The following PRH1 variants were observed in gnomAD, a reference collection of about 807,000 sequenced individuals.
The protein encoded by PRH1 is proline rich protein HaeIII subfamily 1.
A neutral mutation model predicts 7.9 loss-of-function variants in PRH1; 7 were observed. That is an observed-to-expected ratio of 0.89 (90% CI 0.50 to 1.67). PRH1 has a LOEUF of 1.67. Among genes scored for constraint, PRH1 ranks in the 40% most tolerant of loss-of-function variants. The pLI, the probability that PRH1 is intolerant of heterozygous loss-of-function variation, is 0.00. For synonymous variants in PRH1, 45 were observed against 80.8 expected, an observed-to-expected ratio of 0.56 and a Z score of 2.38; for missense variants, 109 against 223.6, an observed-to-expected ratio of 0.49 and a Z score of 3.27.
In PRH1 at chr12:11,020,364, ATATATATATAT is replaced by A. The variant is rs1565557250; in HGVS notation, c.-126+26645_-126+26655del. Among the ~76,000 whole-genome samples, 261 of 132,998 alleles carry A rather than the reference ATATATATATAT, an allele frequency of 2.0e-3. 11 individuals are homozygous for A. Among genetic ancestry groups the A allele is most frequent in the African/African-American group, 6.8e-3 (245 of 35,930 alleles). The allele number at this position is 132,998 out of a possible 152,430, so 87.3% of individuals were successfully genotyped here. On this transcript the variant is annotated intron_variant, in intron 1 of 3. Transcript: ENST00000539853. ...TACTAGGGAGGACGTATGATAAGCG[ATATATATATAT>A]ATATATATATATATATGTCTATAGA... is the stretch of plus-strand genomic sequence containing the variant.
intron 1 of PRH1, among the ~76,000 whole-genome samples, chr12:11,170,806 T>G (rs1020433212): frequency 6.6e-6 from 1 of 152,226 alleles, no homozygotes; most frequent in Non-Finnish European, 1.5e-5. Context: ...TCCTAATAAA[T>G]AGAAAAATCC....
chr12:10,987,965 G>C (rs1233786861), intron 1 of PRH1, among the ~76,000 whole-genome samples: 1 of 152,054 alleles, frequency 6.6e-6, no homozygotes, highest in African/African-American at 2.4e-5. Context: ...TCACACCGAG[G>C]TTTGAGATGG....
At chr12:11,065,480 T>C (rs574430597) in intron 1 of PRH1, among the ~76,000 whole-genome samples, 1 of 152,270 alleles carries the variant, frequency 6.6e-6, no homozygotes, top group South Asian at 2.1e-4. Flanking sequence ...CCTCTAGCCT[T>C]ATATTTTCTA....
chr12:10,926,078 A>ATCAT (rs1950118490), intron 2 of PRH1, among the ~76,000 whole-genome samples: 1 of 152,240 alleles, frequency 6.6e-6, no homozygotes, highest in Non-Finnish European at 1.5e-5. Flanking sequence ...AATATATATT[A>ATCAT]ATAGGTCATC....
At chr12:11,063,672 G>A (rs896861877) in intron 1 of PRH1, among the ~76,000 whole-genome samples, 2 of 152,070 alleles carry the variant, frequency 1.3e-5, no homozygotes, top group Non-Finnish European at 2.9e-5. Context: ...TGGGAAATAT[G>A]TACAACCTTG....
rs1284412734 is a variant in PRH1 at position 10,990,238 on chromosome 12, A to G, written c.-125-16517T>C. 2.0e-5 allele frequency among the ~76,000 whole-genome samples: 3 copies of G among 152,198 alleles called. No individual in the cohort carries two copies. The East Asian group carries it at 5.8e-4, about 29-fold the overall frequency. On this transcript the variant is annotated intron_variant, in intron 1 of 3. Coordinates refer to the PRH1 transcript ENST00000539853. ...GGGGAAAGGACAGTCTCTTCACTAA[A>G]TGGTGCTGGGAAAATTGGATATCCA...
intron 2 of PRH1, among the ~76,000 whole-genome samples, chr12:10,897,360 C>T (rs747691582): frequency 5.9e-5 from 9 of 151,898 alleles, no homozygotes; most frequent in Non-Finnish European, 1.0e-4. Flanking sequence ...TTCTCAGCTC[C>T]GCCTTAGATA....
At chr12:11,171,227 C>T (rs1947831525) in intron 1 of PRH1, 2 of 524,934 alleles carry the variant, frequency 3.8e-6, no homozygotes, top group Non-Finnish European at 5.8e-6. Flanking sequence ...GCGGCGGCAG[C>T]GGCAAGCTTG....
chr12:11,055,154 A>C (rs970628997), intron 1 of PRH1, among the ~76,000 whole-genome samples: 1 of 151,702 alleles, frequency 6.6e-6, no homozygotes, highest in Non-Finnish European at 1.5e-5. Context: ...ATTATGCCAA[A>C]TGACTTTGAG....
At chr12:11,015,716 T>C (rs1213407134) in intron 1 of PRH1, among the ~76,000 whole-genome samples, 2 of 152,128 alleles carry the variant, frequency 1.3e-5, no homozygotes, top group Non-Finnish European at 2.9e-5. Flanking sequence ...ACTTAGGAGG[T>C]ATGTAGTACA....
At chr12:11,047,401 T>C (rs1007998919), upstream of PRH1, among the ~76,000 whole-genome samples, 3 of 152,154 alleles carry the variant, frequency 2.0e-5, no homozygotes, top group Admixed American at 6.6e-5. Context: ...GAGGGAATAA[T>C]TGAATTTTTT....
chr12:11,158,462 ATATT>A (rs1167988564), intron 1 of PRH1, among the ~76,000 whole-genome samples: 4 of 152,190 alleles, frequency 2.6e-5, no homozygotes, highest in Admixed American at 1.3e-4. Context: ...GATTTTATAT[ATATT>A]TATTCATATT....
At chr12:11,005,727 A>G (rs1263224265) in intron 1 of PRH1, among the ~76,000 whole-genome samples, 1 of 152,106 alleles carries the variant, frequency 6.6e-6, no homozygotes, top group Non-Finnish European at 1.5e-5. Context: ...GTCCAGGTTG[A>G]AATAGCCCTA....
At chr12:11,027,581 G>A (rs1941980709) in intron 1 of PRH1, among the ~76,000 whole-genome samples, 1 of 152,220 alleles carries the variant, frequency 6.6e-6, no homozygotes, top group Admixed American at 6.5e-5. Flanking sequence ...TTCCACATTT[G>A]AGAATATTGC....
At chr12:10,915,865 C>T (rs1949965400) in intron 2 of PRH1, among the ~76,000 whole-genome samples, 1 of 152,194 alleles carries the variant, frequency 6.6e-6, no homozygotes. Flanking sequence ...GGAACCACCT[C>T]AGTTTGGAGC....
intron 1 of PRH1, chr12:11,030,935 A>G (rs1403943077): frequency 5.0e-6 from 8 of 1,614,186 alleles, no homozygotes; most frequent in Admixed American, 3.3e-5. Flanking sequence ...TAAAGGCCCC[A>G]ACAGCATCAC....
At chr12:10,990,624 C>A (rs12296784) in intron 1 of PRH1, among the ~76,000 whole-genome samples, 34,704 of 152,080 alleles carry the variant, frequency 0.23, 4,918 homozygotes, top group East Asian at 0.54. Flanking sequence ...ATCAAATTTG[C>A]ATCTTCATAG....
At chr12:10,904,275 C>T (rs887621069) in intron 2 of PRH1, among the ~76,000 whole-genome samples, 1 of 151,996 alleles carries the variant, frequency 6.6e-6, no homozygotes, top group African/African-American at 2.4e-5. Flanking sequence ...TGACTTCAAA[C>T]TATACTATAA....
chr12:10,922,333 C>T (rs10845245), intron 2 of PRH1, among the ~76,000 whole-genome samples: 148,235 of 152,308 alleles, frequency 0.97, 72,248 homozygotes, highest in Middle Eastern at 1. Context: ...TAGCTTTAGC[C>T]GGTTTTTTCA....
Sources: gnomAD v4.1 joint callset for allele counts (sites outside exome capture counted in the v4.1 genomes callset) on GRCh38, gnomAD v4.1.1 for gene constraint, MANE v1.5 for transcripts, NCBI Gene and HGNC (gene_info 2026-07-23, HGNC 2026-07-21) for gene names.